The following SYT16 variants were observed in gnomAD, a reference collection of about 807,000 sequenced individuals.
The protein encoded by SYT16 is synaptotagmin-16.
Under a neutral mutation model 61.4 loss-of-function variants are expected in SYT16, and 42 were observed. That is an observed-to-expected ratio of 0.68 (90% confidence interval 0.53 to 0.89). The LOEUF (loss-of-function observed/expected upper bound fraction) is 0.89, where lower values mean the gene tolerates loss of function less well. Ranked by LOEUF, SYT16 falls within the 40% of genes least tolerant of loss-of-function variation. SYT16 has a pLI of 0.00. For synonymous variants in SYT16, 314 were observed against 302.3 expected, an observed-to-expected ratio of 1.04 and a Z score of -0.40; for missense variants, 804 against 807.3, an observed-to-expected ratio of 1.00 and a Z score of 0.05.
At chr14:61,935,278 T>A (rs2049933659) in intron 1 of SYT16, among the ~76,000 whole-genome samples, 1 of 152,208 alleles carries the variant, frequency 6.6e-6, no homozygotes, top group Non-Finnish European at 1.5e-5. Flanking sequence ...ACGCCGACAG[T>A]GGCTCCCATT....
intron 1 of SYT16, chr14:61,865,116 C>A (rs1241906582): frequency 6.0e-6 from 8 of 1,326,604 alleles, no homozygotes; most frequent in South Asian, 4.7e-5. Flanking sequence ...GACTATGAAG[C>A]CTTCTGTGGC....
In SYT16 at chr14:62,081,220, C is replaced by T; in HGVS notation, c.1380C>T (p.His460=). 1 of 1,613,874 alleles carries T rather than the reference C, an allele frequency of 6.2e-7. No homozygotes were observed. The highest frequency in any genetic ancestry group is 8.5e-7 in the Non-Finnish European group (1 of 1,179,870). The stretch of plus-strand genomic sequence containing the variant: ...AACTATTCTATCTCAGCCACCTGCA[C>T]CCAGAAGGGGAAATGAAAGTGACTC... ...GEKLFYLSHL[H]PEGEMKVTLV... Residue 460 remains histidine (H), a synonymous_variant, in exon 6 of 8, where the codon CAC becomes CAT. Coordinates refer to ENST00000683842, the MANE Select transcript of SYT16 (RefSeq NM_001367656.1).
intron 1 of SYT16, among the ~76,000 whole-genome samples, chr14:61,917,321 G>T (rs143382186): frequency 6.6e-6 from 1 of 152,204 alleles, no homozygotes; most frequent in East Asian, 1.9e-4. Flanking sequence ...ACACAGCATG[G>T]GAGTCCTGTG....
intron 1 of SYT16, among the ~76,000 whole-genome samples, chr14:61,929,213 G>C (rs906355774): frequency 1.3e-5 from 2 of 152,214 alleles, no homozygotes; most frequent in Non-Finnish European, 1.5e-5. Context: ...AGCAGCTTCT[G>C]TGAAATTTGT....
intron 3 of SYT16, among the ~76,000 whole-genome samples, chr14:62,037,468 A>G (rs1434556982): frequency 6.6e-6 from 1 of 152,158 alleles, no homozygotes; most frequent in Non-Finnish European, 1.5e-5. Flanking sequence ...TTTCAACACT[A>G]TTCTTAATGC....
chr14:61,932,479 G>A (rs1051491917), intron 1 of SYT16, among the ~76,000 whole-genome samples: 5 of 152,210 alleles, frequency 3.3e-5, no homozygotes, highest in African/African-American at 1.2e-4. Flanking sequence ...CAGCAGGTGA[G>A]AGAGAGCGTG....
chr14:61,846,649 A>G (rs1250221078), intron 1 of SYT16, among the ~76,000 whole-genome samples: 1 of 152,052 alleles, frequency 6.6e-6, no homozygotes, highest in African/African-American at 2.4e-5. Flanking sequence ...AGTTTAGTCC[A>G]TTTGCATTCA....
chr14:61,923,489 C>T (rs1201609856), intron 1 of SYT16, among the ~76,000 whole-genome samples: 1 of 152,198 alleles, frequency 6.6e-6, no homozygotes, highest in Non-Finnish European at 1.5e-5. Flanking sequence ...CCCCAAACCT[C>T]TCTTCCCCAA....
chr14:62,084,377 G>A lies in SYT16; in HGVS notation c.1616G>A (p.Arg539Gln), dbSNP rs767714989. 9.9e-6 allele frequency: 16 copies of A among 1,611,696 alleles called. No homozygotes were observed. The highest frequency in any genetic ancestry group is 1.3e-5 in the Non-Finnish European group (15 of 1,179,550). ...GSHFRNLAVN[R>Q]APDTYGKLFL... ...CATTTCCGAAACCTCGCTGTTAACC[G>A]AGCACCTGGTAAGTGTGAGTCTGTT... is the stretch of plus-strand genomic sequence containing the variant. Residue 539 changes from arginine to glutamine, a missense_variant, in exon 7 of 8, where the codon CGA (arginine) becomes CAA (glutamine). Transcript: ENST00000683842.
Position 62,025,653 on chromosome 14 carries a change from A to AT in SYT16, c.523+29118dup, listed in dbSNP as rs1164675198. Among the ~76,000 whole-genome samples, 9 of 151,898 alleles carry AT rather than the reference A, an allele frequency of 5.9e-5. No homozygotes were observed. In the East Asian group the frequency reaches 1.5e-3, roughly 26 times the overall value. On this transcript the variant is annotated intron_variant, in intron 3 of 7. Transcript: ENST00000683842. Reference sequence around the variant, plus strand: ...GGATTGTGCCTTTGGTGAAATGTTTATTTTTTTCATAATTTTTTGTATATT... The same window carrying AT: ...GGATTGTGCCTTTGGTGAAATGTTTATTTTTTTTCATAATTTTTTGTATATT...
chr14:61,955,996 G>C (rs2050859241), intron 1 of SYT16, among the ~76,000 whole-genome samples: 1 of 151,272 alleles, frequency 6.6e-6, no homozygotes, highest in African/African-American at 2.4e-5. Flanking sequence ...CTTTCATAAT[G>C]GTCATTCTAA....
chr14:61,936,220 G>T (rs1376867134), intron 1 of SYT16, among the ~76,000 whole-genome samples: 1 of 152,166 alleles, frequency 6.6e-6, no homozygotes, highest in Non-Finnish European at 1.5e-5. Flanking sequence ...GAGTCAGAGT[G>T]GGGTTATGCG....
intron 1 of SYT16, among the ~76,000 whole-genome samples, chr14:61,892,796 C>T (rs868341370): frequency 7.9e-5 from 12 of 152,118 alleles, no homozygotes; most frequent in Admixed American, 2.0e-4. Flanking sequence ...GATTAGATAC[C>T]GGGCCGGCAA....
chr14:61,987,689 G>C (rs1460652855), intron 2 of SYT16, among the ~76,000 whole-genome samples: 1 of 151,202 alleles, frequency 6.6e-6, no homozygotes, highest in Non-Finnish European at 1.5e-5. Context: ...TAGAAGAAAT[G>C]TGCAAAAATA....
At chr14:61,821,805 T>TAAACCATCTTAGAGTCTG (rs2045627641) in intron 1 of SYT16, among the ~76,000 whole-genome samples, 1 of 152,226 alleles carries the variant, frequency 6.6e-6, no homozygotes, top group Admixed American at 6.5e-5. Context: ...AGGATAATCA[T>TAAACCATCTTAGAGTCTG]AAACCATCTT....
At chr14:62,006,968 A>G (rs920103321) in intron 3 of SYT16, among the ~76,000 whole-genome samples, 32 of 152,276 alleles carry the variant, frequency 2.1e-4, no homozygotes, top group Middle Eastern at 3.4e-3. Flanking sequence ...ATATAGAACA[A>G]CAGGCTTTGA....
At chr14:62,059,891 A>T (rs1290663441) in intron 3 of SYT16, among the ~76,000 whole-genome samples, 2 of 151,942 alleles carry the variant, frequency 1.3e-5, no homozygotes, top group African/African-American at 4.8e-5. Flanking sequence ...TTCATATTGA[A>T]TTACGTTGGC....
intron 3 of SYT16, among the ~76,000 whole-genome samples, chr14:61,999,824 AGT>A (rs1273649818): frequency 2.0e-5 from 3 of 151,708 alleles, no homozygotes; most frequent in Non-Finnish European, 4.4e-5. Flanking sequence ...GTTATTTAAA[AGT>A]GTGTTGATTA....
chr14:61,934,059 G>T lies in SYT16; in HGVS notation c.-324-36073G>T, dbSNP rs563772553. Among the ~76,000 whole-genome samples, 4 of 152,086 alleles carry T rather than the reference G, an allele frequency of 2.6e-5. No homozygotes were observed. In the South Asian group the frequency reaches 8.3e-4, roughly 32 times the overall value. ...TTCATGTATTACTATTGTTTTTGTG[G>T]AAATAAAGATTTTGCTGCATATACT... On this transcript the variant is annotated intron_variant, in intron 1 of 7. Coordinates refer to ENST00000683842, the MANE Select transcript of SYT16 (RefSeq NM_001367656.1).
Sources: gnomAD v4.1 joint callset for allele counts (sites outside exome capture counted in the v4.1 genomes callset) on GRCh38, gnomAD v4.1.1 for gene constraint, MANE v1.5 for transcripts, NCBI Gene and HGNC (gene_info 2026-07-23, HGNC 2026-07-21) for gene names.